Variants in TFAP4 observed in about 807,000 individuals in gnomAD.
TFAP4 encodes transcription factor AP-4, also known as activating enhancer-binding protein 4.
A neutral mutation model predicts 40.4 loss-of-function variants in TFAP4; 7 were observed. The ratio of observed to expected loss-of-function variants is 0.17; its 90% CI spans 0.10 to 0.33. The LOEUF (loss-of-function observed/expected upper bound fraction) is 0.33, where lower values mean the gene tolerates loss of function less well. Ranked by LOEUF, TFAP4 falls within the 10% of genes least tolerant of loss-of-function variation. TFAP4 has a pLI of 1.00. For missense variants in TFAP4, 374 were observed against 451.1 expected, an observed-to-expected ratio of 0.83 and a Z score of 1.55; for synonymous variants, 218 against 181.4, an observed-to-expected ratio of 1.20 and a Z score of -1.62.
At position 4,258,004 on chromosome 16, in the gene TFAP4, T is replaced by G. The variant is rs1451717555; in HGVS notation, c.*51A>C. The G allele has an allele frequency of 6.4e-7, 1 of 1,557,122 alleles. No homozygotes were observed. The highest frequency in any genetic ancestry group is 1.9e-5 in the Admixed American group (1 of 52,972). On this transcript the variant is annotated 3_prime_UTR_variant, in exon 7 of 7. Coordinates refer to ENST00000204517, the MANE Select transcript of TFAP4 (RefSeq NM_003223.3). ...ATTCGCCCATGTCTCTCCCTGTGGC[T>G]GCCCCGGCTCCCTCCAGCCCCCAGA...
chr16:4,270,138 T>C (rs761730504), intron 1 of TFAP4, among the ~76,000 whole-genome samples: 3 of 152,028 alleles, frequency 2.0e-5, no homozygotes, highest in Admixed American at 6.6e-5. Context: ...TGAGCCAAGA[T>C]TGCACTCCAT....
chr16:4,260,302 C>T (rs2052935269), intron 5 of TFAP4, 57 bp from the exon 6 acceptor site: 1 of 1,514,022 alleles, frequency 6.6e-7, no homozygotes, highest in Non-Finnish European at 8.8e-7. Flanking sequence ...CCATCCACCT[C>T]CCTTTCATGC....
intron 1 of TFAP4, chr16:4,264,628 T>G (rs1018961744): frequency 2.0e-4 from 30 of 152,494 alleles, no homozygotes; most frequent in African/African-American, 6.5e-4. Flanking sequence ...ATGTCAGTGC[T>G]CTCACTTCTC....
chr16:4,257,813 G>A lies in TFAP4; in HGVS notation c.*242C>T. 2.4e-6 allele frequency: 1 copy of A among 422,172 alleles called. No homozygotes were observed. Among genetic ancestry groups the A allele is most frequent in the Non-Finnish European group, 4.2e-6 (1 of 237,682 alleles). The allele number at this position is 422,172 out of a possible 1,614,324, so 26.2% of individuals were successfully genotyped here. On this transcript the variant is annotated 3_prime_UTR_variant, in exon 7 of 7. Coordinates refer to ENST00000204517, the MANE Select transcript of TFAP4 (RefSeq NM_003223.3). ...CGTGTCAGCTTCCTCCAGCCCCCGG[G>A]GCCGAGGCCCCGCCCTGGGGTGCCG...
At chr16:4,270,877 G>A (rs1434128259) in intron 1 of TFAP4, among the ~76,000 whole-genome samples, 1 of 152,170 alleles carries the variant, frequency 6.6e-6, no homozygotes, top group Non-Finnish European at 1.5e-5. Flanking sequence ...AGCAACCCCA[G>A]GACAAGGGTT....
chr16:4,271,084 GT>G (rs1395991122), intron 1 of TFAP4, among the ~76,000 whole-genome samples: 1 of 152,260 alleles, frequency 6.6e-6, no homozygotes, highest in Non-Finnish European at 1.5e-5. Context: ...GGCCCTCCAG[GT>G]GGGCCTCGTG....
chr16:4,267,805 C>G (rs2053009281), intron 1 of TFAP4, among the ~76,000 whole-genome samples: 1 of 152,250 alleles, frequency 6.6e-6, no homozygotes, highest in South Asian at 2.1e-4. Flanking sequence ...TCATCCTTCT[C>G]TAACCTAATC....
At chr16:4,269,727 T>C (rs144258089) in intron 1 of TFAP4, among the ~76,000 whole-genome samples, 1 of 145,110 alleles carries the variant, frequency 6.9e-6, no homozygotes, top group African/African-American at 2.6e-5. Context: ...GGAAAATTGC[T>C]TGAACCCCGG....
At chr16:4,260,904 C>T (rs2052942696) in intron 4 of TFAP4, among the ~76,000 whole-genome samples, 2 of 152,220 alleles carry the variant, frequency 1.3e-5, no homozygotes, top group Non-Finnish European at 2.9e-5. Context: ...TGCCGTGGGG[C>T]GTCCCTTGAA....
chr16:4,257,830 G>C lies in TFAP4; in HGVS notation c.*225C>G. 1 of 470,358 alleles carries C rather than the reference G, an allele frequency of 2.1e-6. No individual in the cohort carries two copies. Among genetic ancestry groups the C allele is most frequent in the Non-Finnish European group, 3.7e-6 (1 of 267,878 alleles). 29.1% of individuals were successfully genotyped at this position (470,358 alleles called of 1,614,324 possible). A position where few individuals can be genotyped will look rare whatever the true frequency, so the allele number is the denominator to read the frequency against. ...GCCCCCGGGGCCGAGGCCCCGCCCT[G>C]GGGTGCCGATGCTCCCACACGCTCT... On this transcript the variant is annotated 3_prime_UTR_variant, in exon 7 of 7. Transcript: ENST00000204517.
intron 1 of TFAP4, among the ~76,000 whole-genome samples, chr16:4,270,888 C>G (rs1332507322): frequency 6.6e-6 from 1 of 152,230 alleles, no homozygotes; most frequent in African/African-American, 2.4e-5. Context: ...GACAAGGGTT[C>G]AAGTTCCAGT....
At chr16:4,260,329 T>A in intron 5 of TFAP4, 84 bp from the exon 6 acceptor site, 1 of 1,507,438 alleles carries the variant, frequency 6.6e-7, no homozygotes, top group African/African-American at 1.4e-5. Context: ...GGCCAATGTA[T>A]AACTGCCTCT....
intron 4 of TFAP4, among the ~76,000 whole-genome samples, chr16:4,261,496 C>T (rs1031724170): frequency 4.6e-5 from 7 of 151,738 alleles, no homozygotes; most frequent in African/African-American, 1.7e-4. Flanking sequence ...ACCGTGTTAG[C>T]CAGGATGGTA....
In TFAP4 at chr16:4,259,886, G is replaced by A. The variant is rs182517257; in HGVS notation, c.822+204C>T. 6.7e-3 allele frequency among the ~76,000 whole-genome samples: 1,016 copies of A among 152,334 alleles called. 13 individuals are homozygous for A. Among genetic ancestry groups the A allele is most frequent in the African/African-American group, 0.022 (932 of 41,572 alleles). On this transcript the variant is annotated intron_variant, in intron 6 of 6. Transcript: ENST00000204517. ...TTCCTGGCCAACTCCTCCTACTGGC[G>A]TGGTAGGCCCTGCCCCGATCTCTGG...
rs760098052 is a variant in TFAP4, at chr16:4,258,194, CGCT to C, written c.875_877del (p.Gln292del). The C allele has an allele frequency of 1.9e-6, 3 of 1,611,386 alleles. No individual in the cohort carries two copies. The highest frequency in any genetic ancestry group is 2.5e-6 in the Non-Finnish European group (3 of 1,178,012). ...GACAGGCTTCACGATGACAGCTCGC[CGCT>C]GCTCCTCCTCCAGCTCCTGCTTTTC... On this transcript the variant is annotated inframe_deletion, in exon 7 of 7. Transcript: ENST00000204517.
intron 1 of TFAP4, among the ~76,000 whole-genome samples, chr16:4,271,793 A>G (rs1289039869): frequency 1.3e-5 from 2 of 152,124 alleles, no homozygotes; most frequent in Non-Finnish European, 2.9e-5. Flanking sequence ...CCCTTCCCCA[A>G]ATGGCCTGCC....
At chr16:4,269,048 G>A (rs892259494) in intron 1 of TFAP4, among the ~76,000 whole-genome samples, 5 of 152,002 alleles carry the variant, frequency 3.3e-5, no homozygotes, top group South Asian at 2.1e-4. Context: ...CCACCATGCC[G>A]GGCTAATTTT....
intron 1 of TFAP4, among the ~76,000 whole-genome samples, chr16:4,271,146 G>T (rs768625005): frequency 6.6e-6 from 1 of 152,234 alleles, no homozygotes; most frequent in African/African-American, 2.4e-5. Context: ...CCATCAACTG[G>T]CCCAAGTCTA....
chr16:4,259,591 T>C (rs888684853), intron 6 of TFAP4, among the ~76,000 whole-genome samples: 1 of 152,200 alleles, frequency 6.6e-6, no homozygotes, highest in Admixed American at 6.5e-5. Flanking sequence ...TATTTATTAT[T>C]TACTGATTTC....
Sources: gnomAD v4.1 joint callset for allele counts (sites outside exome capture counted in the v4.1 genomes callset) on GRCh38, gnomAD v4.1.1 for gene constraint, MANE v1.5 for transcripts, NCBI Gene and HGNC (gene_info 2026-07-23, HGNC 2026-07-21) for gene names.